Variants in PRKG1 observed in about 807,000 individuals in gnomAD.
PRKG1 encodes the protein cGMP-dependent protein kinase 1.
A neutral mutation model predicts 88.1 loss-of-function variants in PRKG1; 35 were observed. The ratio of observed to expected loss-of-function variants is 0.40; its 90% CI spans 0.30 to 0.53. The LOEUF (loss-of-function observed/expected upper bound fraction) is 0.53. Ranked by LOEUF, PRKG1 falls within the 20% of genes least tolerant of loss-of-function variation. The pLI is 0.59. For missense variants in PRKG1, 540 were observed against 839.8 expected (o/e 0.64, Z 4.41); for synonymous variants, 303 against 292.5 (o/e 1.04, Z -0.37).
chr10:52,135,385 G>A (rs1478345078), intron 8 of PRKG1, among the ~76,000 whole-genome samples: 1 of 152,080 alleles, frequency 6.6e-6, no homozygotes, highest in Non-Finnish European at 1.5e-5. Context: ...TGAATGTTGG[G>A]ATAAGGGCAG....
At chr10:51,393,955 T>A (rs920918228) in intron 2 of PRKG1, among the ~76,000 whole-genome samples, 3 of 152,186 alleles carry the variant, frequency 2.0e-5, no homozygotes, top group African/African-American at 7.2e-5. Flanking sequence ...TCTTGGCATT[T>A]CTTCATAAAT....
chr10:52,034,048 C>T (rs1478050832), intron 5 of PRKG1, among the ~76,000 whole-genome samples: 2 of 151,842 alleles, frequency 1.3e-5, no homozygotes, highest in African/African-American at 4.8e-5. Flanking sequence ...AAGGCAAGGA[C>T]TGGCCATTTA....
At position 52,017,514 on chromosome 10, in the gene PRKG1, G is replaced by A. The variant is rs1478260799; in HGVS notation, c.763-36970G>A. On this transcript the variant is annotated intron_variant, in intron 5 of 17. Transcript: ENST00000373980. ...TAGTAGGTACCACTGGTGATTCCAA[G>A]GTAGATGGTAGGTACCTTGGTGATT... Among the ~76,000 whole-genome samples the A allele has an allele frequency of 2.0e-5, 3 of 152,126 alleles. No homozygotes were observed. In the East Asian group the frequency reaches 5.8e-4, roughly 29 times the overall value.
intron 4 of PRKG1, among the ~76,000 whole-genome samples, chr10:51,893,580 T>C (rs117933784): frequency 0.023 from 3,538 of 152,284 alleles, 65 homozygotes; most frequent in Non-Finnish European, 0.037. Flanking sequence ...TTGGCTTTAT[T>C]GCATATAGTC....
chr10:51,828,361 GA>G (rs1839927255), intron 4 of PRKG1, among the ~76,000 whole-genome samples: 2 of 152,006 alleles, frequency 1.3e-5, no homozygotes, highest in Middle Eastern at 3.2e-3. Context: ...TTTTGACAAA[GA>G]AGCCATTTGA....
At chr10:52,161,984 A>G (rs1325107011) in intron 9 of PRKG1, 21 bp downstream of exon 9, 2 of 1,589,294 alleles carry the variant, frequency 1.3e-6, no homozygotes, top group South Asian at 1.1e-5. Context: ...TTTTTCCTTA[A>G]TTTTGATTGC....
intron 3 of PRKG1, among the ~76,000 whole-genome samples, chr10:51,632,089 T>C (rs1839540624): frequency 1.5e-5 from 1 of 65,118 alleles, no homozygotes; most frequent in Non-Finnish European, 3.9e-5. Flanking sequence ...TGAAACATTA[T>C]GAGATTTTTT....
chr10:51,428,689 A>G (rs1838667252), intron 2 of PRKG1, among the ~76,000 whole-genome samples: 1 of 152,196 alleles, frequency 6.6e-6, no homozygotes, highest in South Asian at 2.1e-4. Flanking sequence ...AGGAAAGGGC[A>G]TACTGTGAAA....
chr10:51,195,500 A>G (rs1403368617), intron 2 of PRKG1, among the ~76,000 whole-genome samples: 1 of 152,152 alleles, frequency 6.6e-6, no homozygotes, highest in African/African-American at 2.4e-5. Flanking sequence ...TTCAGCTTTC[A>G]TTGTTTACAC....
chr10:51,785,028 T>G (rs1419530073), intron 3 of PRKG1, among the ~76,000 whole-genome samples: 2 of 151,980 alleles, frequency 1.3e-5, no homozygotes, highest in African/African-American at 2.4e-5. Flanking sequence ...CTTTCTTCCT[T>G]CTTTAGGCCA....
At chr10:51,606,514 A>G (rs1838771560) in intron 3 of PRKG1, among the ~76,000 whole-genome samples, 1 of 152,206 alleles carries the variant, frequency 6.6e-6, no homozygotes, top group African/African-American at 2.4e-5. Flanking sequence ...GTAATTATAC[A>G]TGTCATATCC....
intron 3 of PRKG1, among the ~76,000 whole-genome samples, chr10:51,561,469 GT>G (rs1184456614): frequency 6.6e-6 from 1 of 152,120 alleles, no homozygotes; most frequent in African/African-American, 2.4e-5. Flanking sequence ...TGTGTCAGGT[GT>G]TTTGCAAAGT....
chr10:51,192,276 T>C (rs548051499), intron 2 of PRKG1, among the ~76,000 whole-genome samples: 1 of 151,904 alleles, frequency 6.6e-6, no homozygotes, highest in Non-Finnish European at 1.5e-5. Context: ...AAATCCATAA[T>C]ATTTAATGAA....
intron 4 of PRKG1, among the ~76,000 whole-genome samples, chr10:51,884,987 C>T (rs1291215824): frequency 1.3e-5 from 2 of 152,168 alleles, no homozygotes; most frequent in Non-Finnish European, 2.9e-5. Flanking sequence ...GTATTCCTGA[C>T]ACTATTCTCA....
chr10:51,144,513 A>T (rs1845894353), intron 1 of PRKG1, among the ~76,000 whole-genome samples: 1 of 152,176 alleles, frequency 6.6e-6, no homozygotes, highest in South Asian at 2.1e-4. Flanking sequence ...AAATATTAAT[A>T]GTAGTAATAC....
intron 1 of PRKG1, among the ~76,000 whole-genome samples, chr10:51,081,487 A>G (rs550268546): frequency 6.6e-6 from 1 of 152,234 alleles, no homozygotes; most frequent in Non-Finnish European, 1.5e-5. Flanking sequence ...ATAGTTTCCC[A>G]TTAGACCAGT....
chr10:51,835,444 G>A (rs1443663817), intron 4 of PRKG1, among the ~76,000 whole-genome samples: 1 of 152,150 alleles, frequency 6.6e-6, no homozygotes, highest in Non-Finnish European at 1.5e-5. Context: ...AGTAGGACTA[G>A]GTCCAGTTTG....
At chr10:51,897,276 T>C (rs1841875128) in intron 4 of PRKG1, among the ~76,000 whole-genome samples, 1 of 152,212 alleles carries the variant, frequency 6.6e-6, no homozygotes, top group Non-Finnish European at 1.5e-5. Flanking sequence ...TCTTTTATTC[T>C]GTAAGGAAGT....
chr10:51,138,682 T>TG (rs1554839811), intron 1 of PRKG1, among the ~76,000 whole-genome samples: 18 of 127,058 alleles, frequency 1.4e-4, no homozygotes, highest in African/African-American at 4.6e-4. Flanking sequence ...TTTGTTTTTT[T>TG]TTTTTTTTTT....
Sources: allele counts gnomAD v4.1 joint callset (sites outside exome capture counted in the v4.1 genomes callset), GRCh38; gene constraint gnomAD v4.1.1; transcripts MANE v1.5; gene names NCBI Gene and HGNC (gene_info 2026-07-23, HGNC 2026-07-21).